SRRM4: variants seen among roughly 807,000 people sequenced by gnomAD.
SRRM4 encodes serine/arginine repetitive matrix protein 4.
A neutral mutation model predicts 68.9 loss-of-function variants in SRRM4; 33 were observed. The observed-to-expected ratio is 0.48, with a 90% CI of 0.36 to 0.64. The LOEUF (loss-of-function observed/expected upper bound fraction) is 0.64. Among genes scored for constraint, SRRM4 ranks in the 30% least tolerant of loss-of-function variants. SRRM4 has a pLI of 0.00. For synonymous variants in SRRM4, 318 were observed against 318.8 expected (o/e 1.00, Z 0.03); for missense variants, 817 against 827.1 (o/e 0.99, Z 0.15).
In SRRM4 at chr12:119,125,371, T is replaced by TC. The variant is rs1277757018; in HGVS notation, c.516-4dup. On this transcript the variant is annotated splice_polypyrimidine_tract_variant and intron_variant, in intron 6 of 12. Transcript: ENST00000267260. Reference sequence around the variant, plus strand: ...CTCTCCTCTGACTCGTTCCTTCTCATCCCCCCAAGATCTCGAAGCCGGCCC... The same window carrying TC: ...CTCTCCTCTGACTCGTTCCTTCTCATCCCCCCCAAGATCTCGAAGCCGGCCC... The TC allele has an allele frequency of 5.0e-6, 8 of 1,609,088 alleles. No individual in the cohort carries two copies. The highest frequency in any genetic ancestry group is 1.7e-5 in the Admixed American group (1 of 59,418).
chr12:119,040,717 G>T (rs1594039437), intron 1 of SRRM4, among the ~76,000 whole-genome samples: 1 of 152,054 alleles, frequency 6.6e-6, no homozygotes, highest in African/African-American at 2.4e-5. Context: ...CCAGTAGTGG[G>T]ATTGTTGGAT....
intron 1 of SRRM4, among the ~76,000 whole-genome samples, chr12:119,075,573 T>C (rs62635306): frequency 0.57 from 82,272 of 143,652 alleles, 23,608 homozygotes; most frequent in Middle Eastern, 0.73. Flanking sequence ...ATGATAATGG[T>C]GATGATGGTG....
At chr12:119,096,714 C>A (rs1173384841) in intron 1 of SRRM4, among the ~76,000 whole-genome samples, 1 of 152,180 alleles carries the variant, frequency 6.6e-6, no homozygotes, top group Non-Finnish European at 1.5e-5. Flanking sequence ...CCCGCTCCAC[C>A]ATTGTTGGTC....
intron 1 of SRRM4, among the ~76,000 whole-genome samples, chr12:119,092,380 G>A (rs1954019095): frequency 6.6e-6 from 1 of 152,068 alleles, no homozygotes; most frequent in Non-Finnish European, 1.5e-5. Flanking sequence ...TCTCAACATA[G>A]ATGTCTAACT....
intron 1 of SRRM4, among the ~76,000 whole-genome samples, chr12:119,085,562 C>A (rs932428026): frequency 1.3e-5 from 2 of 152,218 alleles, no homozygotes; most frequent in African/African-American, 4.8e-5. Flanking sequence ...AATGACAAAC[C>A]TAGAGAAGTA....
chr12:119,004,375 A>C (rs753087122), intron 1 of SRRM4, among the ~76,000 whole-genome samples: 4 of 152,030 alleles, frequency 2.6e-5, no homozygotes, highest in Non-Finnish European at 5.9e-5. Flanking sequence ...GAAGTTTTCT[A>C]TCTGTCTCCC....
At chr12:119,082,989 C>T (rs941310394) in intron 1 of SRRM4, among the ~76,000 whole-genome samples, 23 of 152,132 alleles carry the variant, frequency 1.5e-4, no homozygotes, top group Admixed American at 2.0e-4. Context: ...GGAAGGAAAG[C>T]GGGGAAGGAG....
intron 2 of SRRM4, among the ~76,000 whole-genome samples, chr12:119,113,516 C>T (rs144344157): frequency 1.3e-3 from 204 of 152,278 alleles, no homozygotes; most frequent in African/African-American, 4.7e-3. Flanking sequence ...CGCATAAATG[C>T]TAGTTGTGTC....
chr12:119,036,902 TG>T (rs1450564311), intron 1 of SRRM4: 7 of 152,248 alleles, frequency 4.6e-5, no homozygotes, highest in Non-Finnish European at 1.0e-4. Context: ...AGGGATATGA[TG>T]ATGTTAAGGG....
intron 4 of SRRM4, among the ~76,000 whole-genome samples, chr12:119,119,210 C>T (rs936073179): frequency 3.3e-5 from 5 of 151,992 alleles, no homozygotes; most frequent in African/African-American, 9.7e-5. Flanking sequence ...CAAACCAGCA[C>T]ATCCTGCGTA....
intron 1 of SRRM4, among the ~76,000 whole-genome samples, chr12:119,052,107 T>C (rs368992155): frequency 2.6e-5 from 4 of 152,318 alleles, no homozygotes; most frequent in South Asian, 4.1e-4. Context: ...ATGAAGTCTT[T>C]CTCCTCAAGA....
Position 119,114,335 on chromosome 12 carries a change from G to C in SRRM4, c.336G>C (p.Lys112Asn). The change falls in exon 3 of 13, where the codon AAG (lysine) becomes AAC (asparagine). Residue 112 changes from lysine (K) to asparagine (N), a missense_variant. Physicochemically the swap from Lys to Asn is moderately conservative, Grantham distance 94. Transcript: ENST00000267260. ...CTTCCTCCAGGGGAAAGAAGAAAAA[G>C]AAGAAATCCACTCGGAAGAAGAGAA... ...PPPSSRGKKK[K>N]KKSTRKKRRR... is the part of the protein sequence containing the mutation. 1 of 1,610,982 alleles carries C rather than the reference G, an allele frequency of 6.2e-7. No individual in the cohort carries two copies. The highest frequency in any genetic ancestry group is 8.5e-7 in the Non-Finnish European group (1 of 1,178,666).
intron 1 of SRRM4, among the ~76,000 whole-genome samples, chr12:119,024,173 G>T (rs1046118387): frequency 1.3e-5 from 2 of 151,984 alleles, no homozygotes; most frequent in Non-Finnish European, 2.9e-5. Flanking sequence ...GCCCATCATG[G>T]GGGCTCAAAA....
chr12:119,035,427 T>C (rs569092901), intron 1 of SRRM4, among the ~76,000 whole-genome samples: 2 of 152,316 alleles, frequency 1.3e-5, no homozygotes, highest in South Asian at 4.1e-4. Flanking sequence ...AGTTTGCAGA[T>C]AGAAGTAATT....
intron 1 of SRRM4, among the ~76,000 whole-genome samples, chr12:119,046,675 G>A (rs1953709639): frequency 1.3e-5 from 2 of 152,190 alleles, no homozygotes; most frequent in South Asian, 2.1e-4. Flanking sequence ...GTGTTTGTAT[G>A]TTTGCTTCTA....
At chr12:119,076,695 AGT>A (rs1380350184) in intron 1 of SRRM4, among the ~76,000 whole-genome samples, 6 of 152,242 alleles carry the variant, frequency 3.9e-5, no homozygotes, top group African/African-American at 1.4e-4. Context: ...ACCCCAAGGA[AGT>A]GCAAGAGTAC....
intron 1 of SRRM4, among the ~76,000 whole-genome samples, chr12:119,066,601 A>T (rs1348230207): frequency 4.6e-5 from 7 of 152,192 alleles, no homozygotes; most frequent in Non-Finnish European, 1.0e-4. Flanking sequence ...GGCATTTCTG[A>T]TGCACATTCC....
chr12:119,156,467 T>C (rs1046395159), intron 12 of SRRM4, 28 bp from the exon 13 acceptor site: 2 of 1,561,360 alleles, frequency 1.3e-6, no homozygotes, highest in African/African-American at 2.7e-5. Flanking sequence ...GGGCCGGCCC[T>C]CATCCCTCCT....
intron 2 of SRRM4, among the ~76,000 whole-genome samples, chr12:119,105,990 G>C (rs538799999): frequency 6.6e-6 from 1 of 152,256 alleles, no homozygotes; most frequent in South Asian, 2.1e-4. Flanking sequence ...TTTTGTATAA[G>C]GTGTAAGGAA....
Sources: gnomAD v4.1 joint callset for allele counts (sites outside exome capture counted in the v4.1 genomes callset) on GRCh38, gnomAD v4.1.1 for gene constraint, MANE v1.5 for transcripts, NCBI Gene and HGNC (gene_info 2026-07-23, HGNC 2026-07-21) for gene names.